Variants in IL17D observed in about 807,000 individuals in gnomAD.
IL17D encodes interleukin-17D.
In IL17D, 10 loss-of-function variants were observed where a neutral mutation model predicts 5.7. The ratio of observed to expected loss-of-function variants is 1.75; its 90% CI spans 1.08 to 2.97. IL17D has a LOEUF of 2.97. Among genes scored for constraint, IL17D ranks in the 30% most tolerant of loss-of-function variants. The pLI is 0.00. For missense variants in IL17D, 354 were observed against 292.7 expected (o/e 1.21, Z -1.53); for synonymous variants, 172 against 141.7 (o/e 1.21, Z -1.52).
At chr13:20,721,564 C>G in intron 1 of IL17D, 72 bp from the exon 2 acceptor site, 1 of 1,362,022 alleles carries the variant, frequency 7.3e-7, no homozygotes, top group East Asian at 2.4e-5. Context: ...CCCGGTGACT[C>G]TAACCAGGGA....
intron 1 of IL17D, among the ~76,000 whole-genome samples, chr13:20,711,740 G>C (rs2058639280): frequency 6.6e-6 from 1 of 152,260 alleles, no homozygotes; most frequent in Admixed American, 6.5e-5. Flanking sequence ...AATTTCAGCA[G>C]ATGACATTGG....
chr13:20,704,746 T>C (rs1359322940), intron 1 of IL17D, among the ~76,000 whole-genome samples: 1 of 151,672 alleles, frequency 6.6e-6, no homozygotes, highest in Non-Finnish European at 1.5e-5. Flanking sequence ...TTCCGTGATG[T>C]GGACACAGTG....
In IL17D at chr13:20,721,937, G is replaced by A; in HGVS notation, c.592G>A (p.Ala198Thr). The A allele has an allele frequency of 6.3e-7, 1 of 1,597,076 alleles. No homozygotes were observed. The highest frequency in any genetic ancestry group is 1.1e-5 in the South Asian group (1 of 90,370). The change falls in exon 2 of 2, where the codon GCG becomes ACG. Residue 198 changes from alanine to threonine, a missense_variant. By Grantham distance (58) the Ala-to-Thr change is moderately conservative (BLOSUM62 0). Transcript: ENST00000682841. ...GAKLLLGPND[A>T]PAGP ...CAAGCTCCTGCTGGGCCCCAACGAC[G>A]CGCCCGCTGGCCCCTGAGGCCGGTC...
rs1211924586 is a variant in IL17D at position 20,716,316 on chromosome 13, TTTC to T, written c.291-5315_291-5313del. On this transcript the variant is annotated intron_variant, in intron 1 of 1. Coordinates refer to ENST00000682841, the MANE Select transcript of IL17D (RefSeq NM_001385224.1). This position sits in a 1 kb window ranked among gnomAD's most constrained non-coding sequence, Gnocchi z 4.2. ...AATTGTCTTGAGTATTCTTGGCCCT[TTTC>T]TTCTCTCTCTATGAATTTTAGGATC... Among the ~76,000 whole-genome samples the T allele has an allele frequency of 3.3e-5, 5 of 152,168 alleles. No individual in the cohort carries two copies. Among genetic ancestry groups the T allele is most frequent in the Non-Finnish European group, 4.4e-5 (3 of 68,030 alleles).
chr13:20,717,277 A>G (rs1245351778), intron 1 of IL17D: 1 of 152,290 alleles, frequency 6.6e-6, no homozygotes, highest in Non-Finnish European at 1.5e-5. Context: ...GCTTCTGCAG[A>G]GCAGCACGCA....
intron 1 of IL17D, among the ~76,000 whole-genome samples, chr13:20,710,920 T>A (rs2058631866): frequency 6.6e-6 from 1 of 152,174 alleles, no homozygotes; most frequent in Non-Finnish European, 1.5e-5. Flanking sequence ...AGGAGTGTCC[T>A]AGGCTATTTT....
At position 20,718,626 on chromosome 13, in the gene IL17D, A is replaced by G. The variant is rs945562326; in HGVS notation, c.291-3010A>G. 3.1e-5 allele frequency among the ~76,000 whole-genome samples: 2 copies of G among 64,742 alleles called. 1 individual carries two copies. The allele number at this position is 64,742 out of a possible 152,430, so 42.5% of individuals were successfully genotyped here. A position where few individuals can be genotyped will look rare whatever the true frequency, so the allele number is the denominator to read the frequency against. Reference sequence around the variant, plus strand: ...ACACTCAGACACACCTGCCCCCCACACACAGGCCCACGCTCACACACCTGC... The same window carrying G: ...ACACTCAGACACACCTGCCCCCCACGCACAGGCCCACGCTCACACACCTGC... On this transcript the variant is annotated intron_variant, in intron 1 of 1. Coordinates refer to ENST00000682841, the MANE Select transcript of IL17D (RefSeq NM_001385224.1).
At chr13:20,709,060 A>G (rs568058310) in intron 1 of IL17D, among the ~76,000 whole-genome samples, 3 of 151,802 alleles carry the variant, frequency 2.0e-5, no homozygotes, top group East Asian at 1.9e-4. Flanking sequence ...GGAAGGTCAA[A>G]TGACTCAAAC....
intron 1 of IL17D, among the ~76,000 whole-genome samples, chr13:20,710,108 A>G (rs1303268730): frequency 6.6e-6 from 1 of 152,194 alleles, no homozygotes; most frequent in Admixed American, 6.5e-5. Flanking sequence ...TTAGAAAACA[A>G]CATTCAGCTT....
rs1402155309 is a variant in IL17D at position 20,721,971 on chromosome 13, G to A, written c.*17G>A. On this transcript the variant is annotated 3_prime_UTR_variant, in exon 2 of 2. Coordinates refer to ENST00000682841, the MANE Select transcript of IL17D (RefSeq NM_001385224.1). ...GGCCCCTGAGGCCGGTCCTGCCCCGGGAGGTCTCCCCGGCCCGCATCCCGA... is the reference window on the plus strand; with the variant it reads ...GGCCCCTGAGGCCGGTCCTGCCCCGAGAGGTCTCCCCGGCCCGCATCCCGA... The A allele has an allele frequency of 3.2e-6, 5 of 1,562,426 alleles. No individual in the cohort carries two copies. In the Admixed American group the frequency reaches 9.0e-5, roughly 28 times the overall value.
intron 1 of IL17D, among the ~76,000 whole-genome samples, chr13:20,704,780 G>A (rs1288376902): frequency 1.3e-5 from 2 of 152,064 alleles, no homozygotes; most frequent in Non-Finnish European, 2.9e-5. Flanking sequence ...TCTGCACAGG[G>A]GGCCCGGGGA....
chr13:20,703,151 C>A, upstream of IL17D: 1 of 350,502 alleles, frequency 2.9e-6, no homozygotes, highest in Non-Finnish European at 4.0e-6. Flanking sequence ...CGTGGCGCAG[C>A]ACAGGCCCTG....
chr13:20,716,120 CT>C lies in IL17D; in HGVS notation c.291-5514del. ...ATTTTGGAAATCTTGTTTATGCCGC[CT>C]TCTTATCTCTTGCAAAGGTTAGTGT... On this transcript the variant is annotated intron_variant, in intron 1 of 1. Transcript: ENST00000682841. This position sits in a 1 kb window ranked among gnomAD's most constrained non-coding sequence, Gnocchi z 4.2. 1.0e-6 allele frequency: 1 copy of C among 984,864 alleles called. No individual in the cohort carries two copies. The highest frequency in any genetic ancestry group is 1.7e-5 in the African/African-American group (1 of 57,344). 61.0% of individuals were successfully genotyped at this position (984,864 alleles called of 1,614,324 possible). A position where few individuals can be genotyped will look rare whatever the true frequency, so the allele number is the denominator to read the frequency against.
rs369775525 is a variant in IL17D at position 20,709,804 on chromosome 13, A to T, written c.290+5513A>T. Among the ~76,000 whole-genome samples the T allele has an allele frequency of 3.9e-5, 6 of 152,338 alleles. No individual in the cohort carries two copies. The East Asian group carries it at 5.8e-4, about 15-fold the overall frequency. ...TTCTCCAACCACGAGAAAAAAGCAG[A>T]TACTGAGGAAATGAAGCTTCAGCAC... is the stretch of plus-strand genomic sequence containing the variant. On this transcript the variant is annotated intron_variant, in intron 1 of 1. Coordinates refer to ENST00000682841, the MANE Select transcript of IL17D (RefSeq NM_001385224.1).
At chr13:20,712,898 C>T (rs372302596) in intron 1 of IL17D, 2 of 152,198 alleles carry the variant, frequency 1.3e-5, no homozygotes, top group East Asian at 3.9e-4. Context: ...CTCTTTCTTT[C>T]TCTTTTTTCT....
At chr13:20,702,254 C>T (rs185194996), upstream of IL17D, 52 of 152,320 alleles carry the variant, frequency 3.4e-4, no homozygotes, top group African/African-American at 1.1e-3. Context: ...GCTTAAATCG[C>T]TTAAACTGGA....
In IL17D at chr13:20,704,131, G is replaced by T. The variant is rs1408847062; in HGVS notation, c.130G>T (p.Gly44Trp). The T allele has an allele frequency of 1.5e-6, 2 of 1,330,100 alleles. No homozygotes were observed. The allele number at this position is 1,330,100 out of a possible 1,614,324, so 82.4% of individuals were successfully genotyped here. Residue 44 changes from glycine (G) to tryptophan (W), a missense_variant, in exon 1 of 2, where the codon GGG becomes TGG. By Grantham distance (184) the Gly-to-Trp change is radical. Transcript: ENST00000682841. Reference protein sequence around the residue: ...RPEELLEQLYGRLAAGVLSAF... With the variant: ...RPEELLEQLYWRLAAGVLSAF... ...GGAGGAGCTACTGGAGCAGCTGTAC[G>T]GGCGCCTGGCGGCCGGCGTGCTCAG...
At chr13:20,719,353 C>T (rs1190187885) in intron 1 of IL17D, among the ~76,000 whole-genome samples, 1 of 147,430 alleles carries the variant, frequency 6.8e-6, no homozygotes, top group Non-Finnish European at 1.5e-5. Flanking sequence ...ACACACCTGC[C>T]CATACTCACA....
At chr13:20,708,708 G>A (rs929309680) in intron 1 of IL17D, among the ~76,000 whole-genome samples, 8 of 151,850 alleles carry the variant, frequency 5.3e-5, no homozygotes, top group Admixed American at 5.3e-4. Flanking sequence ...GTAAGAAAAG[G>A]ACCAGTGACG....
Sources: gnomAD v4.1 joint callset for allele counts (sites outside exome capture counted in the v4.1 genomes callset) on GRCh38, gnomAD v4.1.1 for gene constraint, Gnocchi (gnomAD v3.1) non-coding constraint, MANE v1.5 for transcripts, NCBI Gene and HGNC (gene_info 2026-07-23, HGNC 2026-07-21) for gene names.